Variants in WBP2NL observed in about 807,000 individuals in gnomAD.
WBP2NL encodes the protein WBP2 N-terminal like.
Under a neutral mutation model 23.3 loss-of-function variants are expected in WBP2NL, and 27 were observed. The observed-to-expected ratio is 1.16, with a 90% CI of 0.85 to 1.60. WBP2NL has a LOEUF of 1.60. Ranked by LOEUF, WBP2NL falls within the 40% of genes most tolerant of loss-of-function variation. The pLI, the probability that WBP2NL is intolerant of heterozygous loss-of-function variation, is 0.00. For missense variants in WBP2NL, 370 were observed against 389.5 expected (o/e 0.95, Z 0.42); for synonymous variants, 151 against 145.9 (o/e 1.03, Z -0.25).
At chr22:42,005,467 T>C (rs1005513730) in intron 1 of WBP2NL, among the ~76,000 whole-genome samples, 10 of 152,108 alleles carry the variant, frequency 6.6e-5, no homozygotes, top group African/African-American at 2.4e-4. Context: ...TGAGTGGAGA[T>C]CTCGCTACTG....
At chr22:42,007,783 T>G (rs1922391294) in intron 1 of WBP2NL, among the ~76,000 whole-genome samples, 1 of 152,240 alleles carries the variant, frequency 6.6e-6, no homozygotes, top group South Asian at 2.1e-4. Context: ...TGCCACATTT[T>G]GTTTATCCAT....
intron 5 of WBP2NL, 133 bp from the exon 6 acceptor site, chr22:42,026,633 A>AG: frequency 7.2e-7 from 1 of 1,397,108 alleles, no homozygotes; most frequent in Non-Finnish European, 9.7e-7. Context: ...TAGAGGAAAT[A>AG]GCTTTAGCAT....
At chr22:42,032,268 G>A (rs913334804), downstream of WBP2NL, 1 of 152,396 alleles carries the variant, frequency 6.6e-6, no homozygotes, top group Non-Finnish European at 1.5e-5. Flanking sequence ...CAGAATCTTA[G>A]GTAGGGCTTA....
Position 42,028,397 on chromosome 22 carries a change from C to T in WBP2NL, c.*1216C>T, listed in dbSNP as rs1299965311. 1.9e-5 allele frequency: 4 copies of T among 215,702 alleles called. No homozygotes were observed. The highest frequency in any genetic ancestry group is 2.7e-5 in the Non-Finnish European group (3 of 111,012). The allele number at this position is 215,702 out of a possible 1,614,324, so 13.4% of individuals were successfully genotyped here. ...CTTCAATGAAGTTTGTAGATAATTGCATATGATTCCACACCATTTCAACCA... is the reference window on the plus strand; with the variant it reads ...CTTCAATGAAGTTTGTAGATAATTGTATATGATTCCACACCATTTCAACCA... On this transcript the variant is annotated 3_prime_UTR_variant, in exon 6 of 6. Coordinates refer to ENST00000328823, the MANE Select transcript of WBP2NL (RefSeq NM_152613.3).
intron 1 of WBP2NL, chr22:42,002,865 T>G (rs1397348177): frequency 6.6e-6 from 1 of 152,054 alleles, no homozygotes; most frequent in Non-Finnish European, 1.5e-5. Flanking sequence ...GAACCAGAGA[T>G]AGTGGTGCAC....
At chr22:42,019,837 T>G in intron 3 of WBP2NL, 34 bp downstream of exon 3, 1 of 1,608,652 alleles carries the variant, frequency 6.2e-7, no homozygotes. Flanking sequence ...TATTTTTTTT[T>G]CCCTCAAAAT....
At chr22:42,010,930 C>T (rs1280156421) in intron 1 of WBP2NL, among the ~76,000 whole-genome samples, 3 of 152,154 alleles carry the variant, frequency 2.0e-5, no homozygotes, top group Non-Finnish European at 4.4e-5. Flanking sequence ...TGGTGTGTTA[C>T]ATTGATTCAT....
downstream of WBP2NL, among the ~76,000 whole-genome samples, chr22:42,028,664 G>C (rs888047048): frequency 7.9e-5 from 12 of 152,178 alleles, no homozygotes; most frequent in Non-Finnish European, 1.6e-4. Flanking sequence ...CCAAAATGGT[G>C]AACAACCTTT....
downstream of WBP2NL, among the ~76,000 whole-genome samples, chr22:42,037,439 A>T (rs763530266): frequency 4.0e-5 from 6 of 150,880 alleles, no homozygotes; most frequent in Non-Finnish European, 8.8e-5. Flanking sequence ...GGTTTTTTGT[A>T]GTTCCATATG....
chr22:42,040,642 T>C (rs1217191770), intron 8 of WBP2NL, among the ~76,000 whole-genome samples: 1 of 152,270 alleles, frequency 6.6e-6, no homozygotes, highest in East Asian at 1.9e-4. Flanking sequence ...TCTCAAGATA[T>C]TTTAAAATTC....
chr22:42,021,969 A>T (rs565527230), intron 4 of WBP2NL, among the ~76,000 whole-genome samples: 2 of 151,780 alleles, frequency 1.3e-5, no homozygotes, highest in East Asian at 1.9e-4. Context: ...GCTAATTTTT[A>T]AAAAATTTTT....
At chr22:42,049,492 C>T (rs1473901091) in intron 8 of WBP2NL, among the ~76,000 whole-genome samples, 2 of 151,792 alleles carry the variant, frequency 1.3e-5, no homozygotes, top group African/African-American at 4.8e-5. Context: ...AGATTGAGAC[C>T]ATCCTGGCTA....
chr22:42,014,128 C>T (rs1923092868), intron 1 of WBP2NL, among the ~76,000 whole-genome samples: 1 of 151,538 alleles, frequency 6.6e-6, no homozygotes, highest in South Asian at 2.1e-4. Context: ...ACTATGTTGC[C>T]CAAGCTGGTT....
intron 8 of WBP2NL, among the ~76,000 whole-genome samples, chr22:42,047,823 G>A (rs1433665700): frequency 1.3e-5 from 2 of 151,188 alleles, no homozygotes; most frequent in Admixed American, 6.6e-5. Context: ...GGGTTTCACC[G>A]TGTTAGCCAG....
chr22:42,038,428 G>C (rs776180700), intron 8 of WBP2NL, among the ~76,000 whole-genome samples: 2 of 152,120 alleles, frequency 1.3e-5, no homozygotes, highest in Non-Finnish European at 2.9e-5. Flanking sequence ...ATATTGCCTG[G>C]TAATTTTCTT....
chr22:42,029,071 T>C (rs1924748017), downstream of WBP2NL, among the ~76,000 whole-genome samples: 1 of 152,220 alleles, frequency 6.6e-6, no homozygotes, highest in African/African-American at 2.4e-5. Context: ...ATTCTCCCAC[T>C]CTGGCAAGGC....
At chr22:42,029,935 A>G (rs1371012389), downstream of WBP2NL, 2 of 152,202 alleles carry the variant, frequency 1.3e-5, no homozygotes, top group Non-Finnish European at 2.9e-5. Context: ...TTTCCTTAAC[A>G]CAGCTTAGAG....
chr22:42,055,003 AG>A (rs1375763938), intron 8 of WBP2NL, among the ~76,000 whole-genome samples: 4 of 152,190 alleles, frequency 2.6e-5, no homozygotes, highest in African/African-American at 9.7e-5. Flanking sequence ...GCTTTTTGGT[AG>A]ATACTGAAAT....
At chr22:42,045,301 C>T (rs541238729) in intron 8 of WBP2NL, among the ~76,000 whole-genome samples, 1 of 152,100 alleles carries the variant, frequency 6.6e-6, no homozygotes, top group Admixed American at 6.5e-5. Context: ...ATTAGCCGGG[C>T]ATGGTGGTGG....
Sources: gnomAD v4.1 joint callset for allele counts (sites outside exome capture counted in the v4.1 genomes callset) on GRCh38, gnomAD v4.1.1 for gene constraint, MANE v1.5 for transcripts, NCBI Gene and HGNC (gene_info 2026-07-23, HGNC 2026-07-21) for gene names.